Variants in LAMC2 observed in about 807,000 individuals in gnomAD.
LAMC2 encodes the protein laminin subunit gamma 2, also known as laminin subunit gamma-2.
A neutral mutation model predicts 140.2 loss-of-function variants in LAMC2; 97 were observed. The ratio of observed to expected loss-of-function variants is 0.69; its 90% confidence interval spans 0.59 to 0.82. The LOEUF is 0.82. Among genes scored for constraint, LAMC2 ranks in the 40% least tolerant of loss-of-function variants. LAMC2 has a pLI of 0.00. For synonymous variants in LAMC2, 513 were observed against 540.2 expected, an observed-to-expected ratio of 0.95 and a Z score of 0.70; for missense variants, 1,402 against 1,476.1, an observed-to-expected ratio of 0.95 and a Z score of 0.82.
At chr1:183,191,717 G>A (rs1395911005) in intron 1 of LAMC2, among the ~76,000 whole-genome samples, 1 of 152,064 alleles carries the variant, frequency 6.6e-6, no homozygotes, top group Non-Finnish European at 1.5e-5. Context: ...AAATTACCTG[G>A]GCATGGTGGC....
downstream of LAMC2, chr1:183,249,019 T>C (rs1220867124): frequency 6.6e-6 from 1 of 152,084 alleles, no homozygotes; most frequent in African/African-American, 2.4e-5. Flanking sequence ...TCAGTTATTA[T>C]TGAGTCTCAC....
At chr1:183,231,378 T>A (rs1285124435) in intron 12 of LAMC2, among the ~76,000 whole-genome samples, 2 of 152,254 alleles carry the variant, frequency 1.3e-5, no homozygotes, top group African/African-American at 4.8e-5. Flanking sequence ...AAAGGAAAAG[T>A]ATTCTGACCT....
At chr1:183,202,273 CCTT>C (rs762555676) in intron 1 of LAMC2, among the ~76,000 whole-genome samples, 2 of 151,512 alleles carry the variant, frequency 1.3e-5, no homozygotes, top group Non-Finnish European at 2.9e-5. Context: ...TTAGCAAACT[CCTT>C]CTTTGAAATG....
intron 1 of LAMC2, among the ~76,000 whole-genome samples, chr1:183,193,827 T>A (rs1041853836): frequency 8.2e-6 from 1 of 121,548 alleles, no homozygotes; most frequent in Non-Finnish European, 1.8e-5. Context: ...CCTGATGTAG[T>A]CTTCATGGTC....
In LAMC2 at chr1:183,226,703, G is replaced by A; in HGVS notation, c.1072G>A (p.Gly358Arg). 1 of 1,614,016 alleles carries A rather than the reference G, an allele frequency of 6.2e-7. No homozygotes were observed. The highest frequency in any genetic ancestry group is 8.5e-7 in the Non-Finnish European group (1 of 1,179,868). The change falls in exon 9 of 23, where the codon GGG (glycine) becomes AGG (arginine). Residue 358 changes from glycine (G) to arginine (R), a missense_variant. Physicochemically the swap from Gly to Arg is moderately radical, Grantham distance 125. Transcript: ENST00000264144. The part of the protein sequence containing the change: ...IRATYGEYST[G>R]YIDNVTLISA... Reference sequence around the variant, plus strand: ...ACCTGTTCTCTCGATTGCAGGTACTGGGTACATTGACAATGTGACCCTGAT... The same window carrying A: ...ACCTGTTCTCTCGATTGCAGGTACTAGGTACATTGACAATGTGACCCTGAT...
Position 183,243,340 on chromosome 1 carries a change from G to A in LAMC2, c.3522G>A (p.Glu1174=), listed in dbSNP as rs1269616122. Residue 1174 remains glutamate (E), a synonymous_variant, in exon 23 of 23, where the codon GAG becomes GAA. Coordinates refer to ENST00000264144, the MANE Select transcript of LAMC2 (RefSeq NM_005562.3). ...DGILADVKNL[E]NIRDNLPPGC... ...TTCTGGCTGATGTGAAGAACTTGGAGAACATTAGGGACAACCTGCCCCCAG... is the reference window on the plus strand; with the variant it reads ...TTCTGGCTGATGTGAAGAACTTGGAAAACATTAGGGACAACCTGCCCCCAG... The A allele has an allele frequency of 4.3e-6, 7 of 1,614,088 alleles. No individual in the cohort carries two copies. The highest frequency in any genetic ancestry group is 5.9e-6 in the Non-Finnish European group (7 of 1,180,048).
intron 4 of LAMC2, 125 bp downstream of exon 4, chr1:183,218,613 C>A: frequency 1.3e-6 from 1 of 765,084 alleles, no homozygotes; most frequent in Non-Finnish European, 2.3e-6. Flanking sequence ...CTTCTTCCTG[C>A]TCTCTGTCCT....
chr1:183,203,935 A>G (rs1199810572), intron 1 of LAMC2, among the ~76,000 whole-genome samples: 1 of 152,086 alleles, frequency 6.6e-6, no homozygotes, highest in Non-Finnish European at 1.5e-5. Flanking sequence ...TGGAGGGGAG[A>G]TGCTGGCTAA....
chr1:183,227,746 C>T lies in LAMC2; in HGVS notation c.1468+49C>T, dbSNP rs1659673695. The T allele has an allele frequency of 8.4e-6, 13 of 1,546,318 alleles. No individual in the cohort carries two copies. The East Asian group carries it at 2.7e-4, about 32-fold the overall frequency. Reference sequence around the variant, plus strand: ...CACCTGCCTCTTCCTGTCCTGATGCCATGAATGTGTGCAAATAGCTTCCAT... The same window carrying T: ...CACCTGCCTCTTCCTGTCCTGATGCTATGAATGTGTGCAAATAGCTTCCAT... On this transcript the variant is annotated intron_variant, in intron 10 of 22. Transcript: ENST00000264144.
At chr1:183,235,501 C>G in intron 15 of LAMC2, 74 bp from the exon 16 acceptor site, 1 of 1,551,702 alleles carries the variant, frequency 6.4e-7, no homozygotes, top group Admixed American at 1.7e-5. Context: ...ACTCTTTGCC[C>G]TTCGTGTAAC....
chr1:183,200,112 C>T (rs962865029), intron 1 of LAMC2, among the ~76,000 whole-genome samples: 3 of 152,122 alleles, frequency 2.0e-5, no homozygotes, highest in Non-Finnish European at 2.9e-5. Flanking sequence ...GAAAGAGGGC[C>T]GGGCGCGGTG....
intron 2 of LAMC2, among the ~76,000 whole-genome samples, chr1:183,210,542 G>A (rs1254352659): frequency 2.6e-5 from 4 of 152,166 alleles, no homozygotes; most frequent in Non-Finnish European, 5.9e-5. Flanking sequence ...AACTAAAGTT[G>A]TAAGCCAGAT....
At chr1:183,211,293 T>G (rs1659061508) in intron 2 of LAMC2, among the ~76,000 whole-genome samples, 1 of 148,648 alleles carries the variant, frequency 6.7e-6, no homozygotes, top group Non-Finnish European at 1.5e-5. Flanking sequence ...TTTCCTCCCA[T>G]GACAGCTAAG....
At chr1:183,218,513 A>G in intron 4 of LAMC2, 25 bp downstream of exon 4, 7 of 1,537,698 alleles carry the variant, frequency 4.6e-6, no homozygotes, top group Non-Finnish European at 6.3e-6. Context: ...TGGCCCTACA[A>G]ACAGCAGAGA....
intron 1 of LAMC2, among the ~76,000 whole-genome samples, chr1:183,191,557 A>G (rs988340785): frequency 1.4e-5 from 2 of 144,358 alleles, no homozygotes; most frequent in African/African-American, 5.2e-5. Context: ...TGAATCATCT[A>G]TTAGAGATCA....
Position 183,225,675 on chromosome 1 carries a change from C to T in LAMC2, c.1021C>T (p.Arg341Trp), listed in dbSNP as rs375592173. The change falls in exon 8 of 23, where the codon CGG (arginine) becomes TGG (tryptophan). Residue 341 changes from arginine (R) to tryptophan (W), a missense_variant. This residue lies in a region of LAMC2 where 723 missense variants were observed against 783.3 expected (regional missense o/e 0.92). Transcript: ENST00000264144. ...LSYFEYRRLL[R>W]NLTALRIRAT... is the part of the protein sequence containing the mutation. The stretch of plus-strand genomic sequence containing the variant: ...TTACTTTGAGTATCGAAGGTTACTG[C>T]GGAATCTCACAGCCCTCCGCATCCG... 2.4e-5 allele frequency: 38 copies of T among 1,613,700 alleles called. No individual in the cohort carries two copies. In the Middle Eastern group the frequency reaches 4.9e-4, roughly 21 times the overall value.
intron 1 of LAMC2, among the ~76,000 whole-genome samples, chr1:183,199,624 A>C (rs573906757): frequency 2.0e-4 from 31 of 152,278 alleles, no homozygotes; most frequent in African/African-American, 7.0e-4. Flanking sequence ...TAGAAGAAGT[A>C]AGTCATAGAC....
At chr1:183,227,403 G>T (rs973390655) in intron 9 of LAMC2, 112 bp from the exon 10 acceptor site, 1 of 1,068,660 alleles carries the variant, frequency 9.4e-7, no homozygotes, top group Non-Finnish European at 1.4e-6. Context: ...GCACTTTGGG[G>T]AAGGCTTCAG....
chr1:183,228,105 C>T lies in LAMC2; in HGVS notation c.1469-269C>T, dbSNP rs1384067140. Among the ~76,000 whole-genome samples, 1 of 152,172 alleles carries T rather than the reference C, an allele frequency of 6.6e-6. No homozygotes were observed. The highest frequency in any genetic ancestry group is 1.9e-4 in the East Asian group (1 of 5,190). On this transcript the variant is annotated intron_variant, in intron 10 of 22. Coordinates refer to ENST00000264144, the MANE Select transcript of LAMC2 (RefSeq NM_005562.3). The surrounding 1 kb of genome is among the most constrained non-coding windows in gnomAD (Gnocchi z 4.3). Reference sequence around the variant, plus strand: ...GCAGTTTTGGGGGTATTGCTCAAAACCTTACTACTTCTGTGGAGCTGCCTG... The same window carrying T: ...GCAGTTTTGGGGGTATTGCTCAAAATCTTACTACTTCTGTGGAGCTGCCTG...
Sources: allele counts gnomAD v4.1 joint callset (sites outside exome capture counted in the v4.1 genomes callset), GRCh38; gene constraint gnomAD v4.1.1; regional missense constraint gnomAD v4.1.1; non-coding constraint Gnocchi (gnomAD v3.1); transcripts MANE v1.5; gene names NCBI Gene and HGNC (gene_info 2026-07-23, HGNC 2026-07-21).